SLC14A2: variants seen among roughly 807,000 people sequenced by gnomAD.
SLC14A2 encodes the protein solute carrier family 14 member 2.
A neutral mutation model predicts 104.6 loss-of-function variants in SLC14A2; 91 were observed. The ratio of observed to expected loss-of-function variants is 0.87; its 90% CI spans 0.73 to 1.04. The LOEUF is 1.04. Ranked by LOEUF, SLC14A2 falls within the 50% of genes least tolerant of loss-of-function variation. The pLI, the probability that SLC14A2 is intolerant of heterozygous loss-of-function variation, is 0.00. For synonymous variants in SLC14A2, 476 were observed against 466.4 expected (o/e 1.02, Z -0.27); for missense variants, 1,189 against 1,156.0 (o/e 1.03, Z -0.41).
At chr18:45,479,393 T>C (rs894469386) in intron 1 of SLC14A2, among the ~76,000 whole-genome samples, 1 of 152,212 alleles carries the variant, frequency 6.6e-6, no homozygotes, top group Non-Finnish European at 1.5e-5. Context: ...TATAACTGTA[T>C]TTCAGGCCTG....
At chr18:45,186,159 AC>A in the SLC14A2 span, among the ~76,000 whole-genome samples, 1 of 152,222 alleles carries the variant, frequency 6.6e-6, no homozygotes. Flanking sequence ...AGTACCTACA[AC>A]CGAAAACAAC....
At chr18:45,289,926 G>C (rs964144795) in intron 1 of SLC14A2, among the ~76,000 whole-genome samples, 1 of 152,164 alleles carries the variant, frequency 6.6e-6, no homozygotes, top group Admixed American at 6.5e-5. Flanking sequence ...CTGAAAAAGA[G>C]AAATATAGTA....
rs2084381626 is a variant in SLC14A2, at chr18:45,247,758, C to T, written c.-125+34567C>T. On this transcript the variant is annotated intron_variant, in intron 1 of 20. Coordinates refer to the SLC14A2 transcript ENST00000586448. ...AAAGCACTTCTTCAGCATTTTTGAA[C>T]TCAGGCTCCAAAAGAAATTCTCTGG... is the stretch of plus-strand genomic sequence containing the variant. Among the ~76,000 whole-genome samples the T allele has an allele frequency of 2.7e-5, 4 of 147,414 alleles. No homozygotes were observed. In the South Asian group the frequency reaches 8.6e-4, roughly 32 times the overall value.
In SLC14A2 at chr18:45,256,057, G is replaced by C. The variant is rs567178760; in HGVS notation, c.-125+42866G>C. ...CTTTGTCTCGCCCACTGACAAGCTG[G>C]GTTATGGGACTCAGCGTTCTGGAGG... On this transcript the variant is annotated intron_variant, in intron 1 of 20. Transcript: ENST00000586448. 4.6e-5 allele frequency among the ~76,000 whole-genome samples: 7 copies of C among 152,258 alleles called. No individual in the cohort carries two copies. The South Asian group carries it at 1.5e-3, about 32-fold the overall frequency.
intron 5 of SLC14A2, 107 bp from the exon 6 acceptor site, chr18:45,636,883 C>T (rs931283445): frequency 2.6e-6 from 2 of 778,078 alleles, no homozygotes; most frequent in Non-Finnish European, 4.3e-6. Context: ...GCCAGGAATG[C>T]TGTGCCTAGG....
the SLC14A2 span, among the ~76,000 whole-genome samples, chr18:45,179,513 G>T: frequency 7.9e-5 from 12 of 152,246 alleles, no homozygotes; most frequent in East Asian, 2.3e-3. Flanking sequence ...AAGTTATTCT[G>T]TGAATAATGC....
At chr18:45,660,347 C>T (rs1357518703) in intron 10 of SLC14A2, among the ~76,000 whole-genome samples, 2 of 152,094 alleles carry the variant, frequency 1.3e-5, no homozygotes, top group Admixed American at 1.3e-4. Context: ...GTGTAAAATG[C>T]CAGGTGTGCC....
intron 2 of SLC14A2, among the ~76,000 whole-genome samples, chr18:45,597,325 C>T (rs2044729650): frequency 6.7e-6 from 1 of 149,300 alleles, no homozygotes; most frequent in Non-Finnish European, 1.5e-5. Flanking sequence ...GAAACTCCAT[C>T]TCAAAAAAAA....
intron 2 of SLC14A2, among the ~76,000 whole-genome samples, chr18:45,600,798 C>T (rs533369338): frequency 2.0e-5 from 3 of 152,238 alleles, no homozygotes; most frequent in Admixed American, 1.3e-4. Flanking sequence ...CCTTACAAAA[C>T]GCAAATTCAA....
chr18:45,571,025 A>ATGAT (rs2044338019), intron 2 of SLC14A2, among the ~76,000 whole-genome samples: 1 of 152,196 alleles, frequency 6.6e-6, no homozygotes, highest in Non-Finnish European at 1.5e-5. Flanking sequence ...CTTTGGAGAA[A>ATGAT]TGACATGTCA....
At chr18:45,421,057 ACTT>A (rs2086341063) in intron 1 of SLC14A2, among the ~76,000 whole-genome samples, 2 of 151,834 alleles carry the variant, frequency 1.3e-5, no homozygotes, top group Admixed American at 6.6e-5. Flanking sequence ...TCTTAAATAA[ACTT>A]CTTCTCATTA....
At chr18:45,478,010 G>A (rs575020411) in intron 1 of SLC14A2, among the ~76,000 whole-genome samples, 32 of 152,254 alleles carry the variant, frequency 2.1e-4, no homozygotes, top group South Asian at 8.3e-4. Context: ...TCTCACTGGC[G>A]TTCCAGGTGC....
At chr18:45,414,757 A>AAAAAAAATAT (rs1360051908) in intron 1 of SLC14A2, among the ~76,000 whole-genome samples, 6 of 76,104 alleles carry the variant, frequency 7.9e-5, no homozygotes, top group African/African-American at 3.8e-4. Flanking sequence ...AAAAAAAAAA[A>AAAAAAAATAT]ATATATATAT....
intron 1 of SLC14A2, among the ~76,000 whole-genome samples, chr18:45,301,717 A>G (rs1260094954): frequency 4.6e-5 from 7 of 152,174 alleles, no homozygotes; most frequent in African/African-American, 1.7e-4. Context: ...AGAAAATGCA[A>G]TCCATTGACC....
chr18:45,668,128 A>G (rs1326226513), intron 14 of SLC14A2, 106 bp downstream of exon 14: 3 of 1,213,296 alleles, frequency 2.5e-6, no homozygotes, highest in South Asian at 1.4e-5. Flanking sequence ...AAGGACACTG[A>G]CAACTAAAAA....
chr18:45,218,758 G>A (rs1239205190), intron 1 of SLC14A2, among the ~76,000 whole-genome samples: 1 of 152,090 alleles, frequency 6.6e-6, no homozygotes, highest in Non-Finnish European at 1.5e-5. Flanking sequence ...TAGTTCCTCG[G>A]ACTGCTCATC....
upstream of SLC14A2, among the ~76,000 whole-genome samples, chr18:45,610,690 G>C (rs1028733555): frequency 8.9e-4 from 135 of 152,318 alleles, no homozygotes; most frequent in African/African-American, 3.1e-3. Flanking sequence ...GGAATGGTAG[G>C]CTTTGCAAAA....
chr18:45,316,299 C>T lies in SLC14A2; in HGVS notation c.-125+103108C>T, dbSNP rs73429924. On this transcript the variant is annotated intron_variant, in intron 1 of 20. Coordinates refer to the SLC14A2 transcript ENST00000586448. ...CAAGGTCTCAGTCCGAAAAGACCCT[C>T]GGAGGCAGAGCAAATGATGGCCACC... Among the ~76,000 whole-genome samples the T allele has an allele frequency of 8.4e-3, 1,282 of 152,258 alleles. 22 individuals are homozygous for T. Among genetic ancestry groups the T allele is most frequent in the African/African-American group, 0.029 (1,203 of 41,548 alleles).
upstream of SLC14A2, among the ~76,000 whole-genome samples, chr18:45,212,249 A>G (rs140533813): frequency 6.6e-6 from 1 of 152,296 alleles, no homozygotes; most frequent in East Asian, 1.9e-4. Context: ...CATACCACAA[A>G]CCATATTCCC....
Sources: allele counts gnomAD v4.1 joint callset (sites outside exome capture counted in the v4.1 genomes callset), GRCh38; gene constraint gnomAD v4.1.1; transcripts MANE v1.5; gene names NCBI Gene and HGNC (gene_info 2026-07-23, HGNC 2026-07-21).